USP4: variants seen among roughly 807,000 people sequenced by gnomAD.
USP4 encodes ubiquitin carboxyl-terminal hydrolase 4.
A neutral mutation model predicts 118.2 loss-of-function variants in USP4; 72 were observed. The observed-to-expected ratio is 0.61, with a 90% CI of 0.50 to 0.74. The LOEUF is 0.74. Among genes scored for constraint, USP4 ranks in the 30% least tolerant of loss-of-function variants. USP4 has a pLI of 0.00. For synonymous variants in USP4, 415 were observed against 440.4 expected (o/e 0.94, Z 0.72); for missense variants, 1,037 against 1,185.7 (o/e 0.87, Z 1.84).
chr3:49,293,550 A>T (rs1398472063), intron 14 of USP4: 1 of 152,212 alleles, frequency 6.6e-6, no homozygotes, highest in Non-Finnish European at 1.5e-5. Flanking sequence ...ACATGCCTGT[A>T]ATCCCAGCTA....
intron 8 of USP4, among the ~76,000 whole-genome samples, chr3:49,307,779 CACAAA>C (rs201730475): frequency 4.8e-4 from 73 of 151,724 alleles, no homozygotes; most frequent in East Asian, 2.7e-3. Flanking sequence ...ACCCCGTTTC[CACAAA>C]ACAAAACAAA....
intron 10 of USP4, 35 bp from the exon 11 acceptor site, chr3:49,300,726 C>T (rs771978544): frequency 5.7e-6 from 9 of 1,590,362 alleles, no homozygotes; most frequent in East Asian, 4.5e-5. Flanking sequence ...ATTCTCAACA[C>T]CTCTCAGCCC....
intron 6 of USP4, among the ~76,000 whole-genome samples, chr3:49,319,599 ATGTTTGTTTGTT>A (rs71077786): frequency 6.7e-6 from 1 of 148,878 alleles, no homozygotes; most frequent in Non-Finnish European, 1.5e-5. Flanking sequence ...ATTACTAAAC[ATGTTTGTTTGTT>A]TGTTTGTTTG....
At position 49,284,042 on chromosome 3, in the gene USP4, A is replaced by G; in HGVS notation, c.2485T>C (p.Ser829Pro). The G allele has an allele frequency of 6.2e-7, 1 of 1,614,242 alleles. No individual in the cohort carries two copies. Among genetic ancestry groups the G allele is most frequent in the Non-Finnish European group, 8.5e-7 (1 of 1,180,036 alleles). The change falls in exon 19 of 22, where the codon TCC (serine) becomes CCC (proline). Residue 829 changes from serine to proline, a missense_variant. By Grantham distance (74) the Ser-to-Pro change is moderately conservative. Around this residue, in one of 3 missense-constraint regions of USP4, gnomAD observed 522 missense variants for 592.6 expected, o/e 0.88. Transcript: ENST00000265560. ...KILVVHLKRF[S>P]YNRYWRDKLD... ...TTATCCCTCCAGTATCTGTTGTAGG[A>G]GAAACGTTTGAGGTGGACCACCAGG... is the stretch of plus-strand genomic sequence containing the variant.
At chr3:49,291,982 T>A (rs1421594500) in intron 15 of USP4, among the ~76,000 whole-genome samples, 1 of 152,120 alleles carries the variant, frequency 6.6e-6, no homozygotes, top group African/African-American at 2.4e-5. Flanking sequence ...TAATTTTTTG[T>A]ATTTTTAGTA....
intron 6 of USP4, among the ~76,000 whole-genome samples, chr3:49,322,998 G>A (rs2047518128): frequency 6.7e-6 from 1 of 150,178 alleles, no homozygotes; most frequent in Non-Finnish European, 1.5e-5. Flanking sequence ...ATGGAGTTTC[G>A]CTCTTGTTCC....
chr3:49,311,202 C>T (rs2107787996), intron 7 of USP4, among the ~76,000 whole-genome samples: 1 of 152,260 alleles, frequency 6.6e-6, no homozygotes, highest in South Asian at 2.1e-4. Context: ...AGCACTGTCC[C>T]TTCACAACTA....
intron 17 of USP4, 77 bp from the exon 18 acceptor site, chr3:49,284,661 C>T: frequency 7.3e-7 from 1 of 1,366,230 alleles, no homozygotes; most frequent in Non-Finnish European, 1.0e-6. Context: ...TACAGAGGCT[C>T]TCCCACCTGG....
chr3:49,329,007 G>T (rs936152515), intron 2 of USP4, among the ~76,000 whole-genome samples: 1 of 151,360 alleles, frequency 6.6e-6, no homozygotes, highest in Non-Finnish European at 1.5e-5. Context: ...GTGAAACCCC[G>T]TCTCTACTAC....
intron 2 of USP4, among the ~76,000 whole-genome samples, chr3:49,333,649 A>C (rs2047641898): frequency 6.6e-6 from 1 of 152,178 alleles, no homozygotes; most frequent in South Asian, 2.1e-4. Context: ...TGGTTGGTGA[A>C]GCAGCGAGAA....
At chr3:49,291,419 A>G (rs1478590568) in intron 15 of USP4, among the ~76,000 whole-genome samples, 3 of 151,196 alleles carry the variant, frequency 2.0e-5, no homozygotes, top group African/African-American at 7.3e-5. Flanking sequence ...TACTAAAAAT[A>G]CAAAAATTAG....
chr3:49,313,352 C>T (rs2047405757), intron 6 of USP4, among the ~76,000 whole-genome samples: 1 of 151,890 alleles, frequency 6.6e-6, no homozygotes, highest in Non-Finnish European at 1.5e-5. Flanking sequence ...CGTGGTGGAA[C>T]CCCGTCTCTA....
In USP4 at chr3:49,338,044, C is replaced by CAA. The variant is rs57186354; in HGVS notation, c.101+1878_101+1879dup. ...CTGGTGATGCAGCGAGACTTCGTCT[C>CAA]AAAAAAAAAAAAAAAAAAAAAAAAA... On this transcript the variant is annotated intron_variant, in intron 1 of 21. Transcript: ENST00000265560. 7.5e-4 allele frequency among the ~76,000 whole-genome samples: 39 copies of CAA among 52,078 alleles called. 1 individual carries two copies. Among genetic ancestry groups the CAA allele is most frequent in the Admixed American group, 1.1e-3 (4 of 3,490 alleles). 34.2% of individuals were successfully genotyped at this position (52,078 alleles called of 152,430 possible). A position where few individuals can be genotyped will look rare whatever the true frequency, so the allele number is the denominator to read the frequency against.
Position 49,286,176 on chromosome 3 carries a change from TA to T in USP4, c.2121del (p.Phe707LeufsTer6), listed in dbSNP as rs769508882. 2.5e-6 allele frequency: 4 copies of T among 1,614,156 alleles called. No individual in the cohort carries two copies. The highest frequency in any genetic ancestry group is 3.4e-6 in the Non-Finnish European group (4 of 1,180,042). The part of the protein sequence containing the change: ...IKGQPCPKRL[F>X]TFSLVNSYGT... The stretch of plus-strand genomic sequence containing the variant: ...CCATAGGAGTTCACAAGACTGAAGG[TA>T]AAAAGCCTTTTTGGGCAGGGCTGGC... On this transcript the variant is annotated frameshift_variant, in exon 16 of 22. Coordinates refer to ENST00000265560, the MANE Select transcript of USP4 (RefSeq NM_003363.4). LOFTEE classifies it high-confidence loss of function.
In USP4 at chr3:49,335,396, A is replaced by T. The variant is rs2047658312; in HGVS notation, c.229+73T>A. 1.9e-6 allele frequency: 3 copies of T among 1,598,306 alleles called. No homozygotes were observed. The Admixed American group carries it at 5.0e-5, about 27-fold the overall frequency. The stretch of plus-strand genomic sequence containing the variant: ...CACACTAGGAAAGTTCACAACGTCC[A>T]TGTTACAGATGCACATAACATCAGG... On this transcript the variant is annotated intron_variant, in intron 2 of 21. Coordinates refer to ENST00000265560, the MANE Select transcript of USP4 (RefSeq NM_003363.4).
chr3:49,318,366 G>A (rs1299712942), intron 6 of USP4: 1 of 985,414 alleles, frequency 1.0e-6, no homozygotes, highest in Non-Finnish European at 1.2e-6. Context: ...AGGCAAAGGT[G>A]GCTTTCTTAA....
In USP4 at chr3:49,284,579, G is replaced by A. The variant is rs9843982; in HGVS notation, c.2277C>T (p.Tyr759=). The change falls in exon 18 of 22, where the codon TAC becomes TAT. Residue 759 remains tyrosine (Y), a synonymous_variant. Coordinates refer to ENST00000265560, the MANE Select transcript of USP4 (RefSeq NM_003363.4). ...GCTGCAACATGCTCACATGCTTCTC[G>A]TAGGCCTATGGGAATCAAAGCACTC... is the stretch of plus-strand genomic sequence containing the variant. ...LYYDEQESEA[Y]EKHVSMLQPQ... 11,051 of 1,613,596 alleles carry A rather than the reference G, an allele frequency of 6.8e-3. 652 individuals carry two copies. In the African/African-American group the frequency reaches 0.13, roughly 19 times the overall value.
intron 15 of USP4, among the ~76,000 whole-genome samples, chr3:49,291,057 C>T (rs1311727536): frequency 6.6e-6 from 1 of 151,838 alleles, no homozygotes; most frequent in Non-Finnish European, 1.5e-5. Context: ...AAAGCTCTGC[C>T]TCCCGGGTTC....
At chr3:49,319,221 C>T (rs559715748) in intron 6 of USP4, among the ~76,000 whole-genome samples, 19 of 151,846 alleles carry the variant, frequency 1.3e-4, no homozygotes, top group African/African-American at 4.1e-4. Flanking sequence ...TAGTGACCTT[C>T]CTTCGATGAC....
Sources: gnomAD v4.1 joint callset for allele counts (sites outside exome capture counted in the v4.1 genomes callset) on GRCh38, gnomAD v4.1.1 for gene constraint, gnomAD v4.1.1 regional missense constraint, MANE v1.5 for transcripts, NCBI Gene and HGNC (gene_info 2026-07-23, HGNC 2026-07-21) for gene names.